Variants in PSD3 observed in about 807,000 individuals in gnomAD.
PSD3 encodes pleckstrin and Sec7 domain containing 3, also known as PH and SEC7 domain-containing protein 3.
PSD3 carries 49 observed loss-of-function variants against 105.5 expected under a neutral mutation model. That is an observed-to-expected ratio of 0.46 (90% confidence interval 0.37 to 0.59). PSD3 has a LOEUF of 0.59. Among genes scored for constraint, PSD3 ranks in the 20% least tolerant of loss-of-function variants. PSD3 has a pLI of 0.00. For synonymous variants in PSD3, 557 were observed against 457.8 expected, an observed-to-expected ratio of 1.22 and a Z score of -2.77; for missense variants, 1,561 against 1,263.8, an observed-to-expected ratio of 1.24 and a Z score of -3.57.
At chr8:18,860,852 T>A (rs1816385257) in intron 4 of PSD3, among the ~76,000 whole-genome samples, 1 of 152,186 alleles carries the variant, frequency 6.6e-6, no homozygotes, top group South Asian at 2.1e-4. Context: ...CCATTTTTAT[T>A]TAGATCTATG....
intron 4 of PSD3, among the ~76,000 whole-genome samples, chr8:18,852,090 T>C (rs1000510033): frequency 3.9e-5 from 6 of 152,164 alleles, no homozygotes; most frequent in Admixed American, 2.6e-4. Flanking sequence ...AAGATTCTTA[T>C]TTACAAATTT....
intron 1 of PSD3, among the ~76,000 whole-genome samples, chr8:18,970,324 CAAAAAAAAAAAAA>C (rs11450922): frequency 8.8e-5 from 4 of 45,318 alleles, no homozygotes; most frequent in South Asian, 1.8e-3. Context: ...GACTCTGCCT[CAAAAAAAAAAAAA>C]AAAAAAAAAA....
chr8:19,070,674 T>C (rs564754835), intron 1 of PSD3, among the ~76,000 whole-genome samples: 4 of 152,208 alleles, frequency 2.6e-5, no homozygotes, highest in African/African-American at 9.6e-5. Flanking sequence ...TGAGACTCTG[T>C]CTCAAAAAAT....
At chr8:18,644,329 A>C (rs1438910131) in intron 10 of PSD3, among the ~76,000 whole-genome samples, 2 of 152,220 alleles carry the variant, frequency 1.3e-5, no homozygotes, top group African/African-American at 2.4e-5. Context: ...TGTGGTTAAA[A>C]GTAGCTACTT....
intron 9 of PSD3, among the ~76,000 whole-genome samples, chr8:18,706,374 A>T: frequency 6.6e-6 from 1 of 152,206 alleles, no homozygotes; most frequent in Non-Finnish European, 1.5e-5. Flanking sequence ...TTGTTCTATT[A>T]TAACTATGTA....
At chr8:18,934,634 T>C (rs1821988326) in intron 2 of PSD3, among the ~76,000 whole-genome samples, 1 of 152,268 alleles carries the variant, frequency 6.6e-6, no homozygotes, top group South Asian at 2.1e-4. Context: ...TGTCAACTTA[T>C]TTCATTCTCA....
At chr8:18,830,586 A>G (rs548834933) in intron 4 of PSD3, among the ~76,000 whole-genome samples, 5 of 152,362 alleles carry the variant, frequency 3.3e-5, no homozygotes, top group Admixed American at 2.6e-4. Context: ...GTATCAAAGT[A>G]CACTTTGGTT....
At chr8:18,960,056 G>C (rs1476423658) in intron 1 of PSD3, among the ~76,000 whole-genome samples, 3 of 152,050 alleles carry the variant, frequency 2.0e-5, no homozygotes, top group Non-Finnish European at 2.9e-5. Context: ...TCGATTCCTT[G>C]GAATTCCTAG....
At chr8:19,038,444 C>CATTT (rs1453956338) in intron 1 of PSD3, among the ~76,000 whole-genome samples, 1 of 152,108 alleles carries the variant, frequency 6.6e-6, no homozygotes, top group Admixed American at 6.6e-5. Flanking sequence ...CTAGACCCCA[C>CATTT]ATTTATTTAT....
intron 14 of PSD3, among the ~76,000 whole-genome samples, chr8:18,566,921 C>T (rs756608808): frequency 6.6e-6 from 1 of 152,152 alleles, no homozygotes; most frequent in Non-Finnish European, 1.5e-5. Context: ...AATGTGTGTG[C>T]TTGCCTGTTC....
At chr8:18,851,293 T>C (rs1479302936) in intron 4 of PSD3, among the ~76,000 whole-genome samples, 3 of 152,210 alleles carry the variant, frequency 2.0e-5, no homozygotes, top group African/African-American at 7.2e-5. Context: ...AAGTTGAGCC[T>C]ACATCTTCCA....
intron 8 of PSD3, among the ~76,000 whole-genome samples, chr8:18,798,853 A>G (rs374637060): frequency 6.7e-6 from 1 of 149,706 alleles, no homozygotes; most frequent in Non-Finnish European, 1.5e-5. Context: ...TATTATTTCA[A>G]CTAGTAAAAG....
intron 1 of PSD3, among the ~76,000 whole-genome samples, chr8:19,067,707 G>A (rs377446674): frequency 2.0e-5 from 3 of 152,086 alleles, no homozygotes; most frequent in Non-Finnish European, 2.9e-5. Flanking sequence ...GCCACAGCAG[G>A]GGTCAATGAA....
intron 1 of PSD3, among the ~76,000 whole-genome samples, chr8:19,041,112 G>C (rs1828110321): frequency 6.6e-6 from 1 of 152,050 alleles, no homozygotes; most frequent in Non-Finnish European, 1.5e-5. Context: ...GCCCAGGCTG[G>C]TCTCCGACTC....
At chr8:18,700,586 C>T (rs1389892168) in intron 9 of PSD3, among the ~76,000 whole-genome samples, 1 of 152,216 alleles carries the variant, frequency 6.6e-6, no homozygotes, top group African/African-American at 2.4e-5. Context: ...AACATGGTCT[C>T]TTAGCAGACA....
At chr8:18,639,163 T>C (rs1314710057) in intron 10 of PSD3, among the ~76,000 whole-genome samples, 3 of 152,168 alleles carry the variant, frequency 2.0e-5, no homozygotes, top group Non-Finnish European at 2.9e-5. Flanking sequence ...GAGTAAGTAA[T>C]TGGGCTGCTT....
At chr8:19,080,988 G>C (rs981368165) in intron 1 of PSD3, among the ~76,000 whole-genome samples, 2 of 152,140 alleles carry the variant, frequency 1.3e-5, no homozygotes, top group Non-Finnish European at 2.9e-5. Context: ...CCTGTCTTTT[G>C]AGTTGGGTCT....
chr8:18,592,597 G>A (rs1803692462), intron 12 of PSD3, among the ~76,000 whole-genome samples: 1 of 152,148 alleles, frequency 6.6e-6, no homozygotes, highest in African/African-American at 2.4e-5. Context: ...GACTTTGAAA[G>A]TAGCAAAAGA....
At chr8:18,932,010 T>G (rs1259436222) in intron 2 of PSD3, among the ~76,000 whole-genome samples, 1 of 152,168 alleles carries the variant, frequency 6.6e-6, no homozygotes, top group Non-Finnish European at 1.5e-5. Context: ...GTCCTCAGTT[T>G]CCACATCTAT....
Sources: allele counts gnomAD v4.1 joint callset (sites outside exome capture counted in the v4.1 genomes callset), GRCh38; gene constraint gnomAD v4.1.1; transcripts MANE v1.5; gene names NCBI Gene and HGNC (gene_info 2026-07-23, HGNC 2026-07-21).